The following TFEB variants were observed in gnomAD, a reference collection of about 807,000 sequenced individuals.
TFEB encodes the protein T-cell transcription factor EB.
TFEB carries 12 observed loss-of-function variants against 48.0 expected under a neutral mutation model. The ratio of observed to expected loss-of-function variants is 0.25; its 90% CI spans 0.16 to 0.40. The LOEUF is 0.40. Ranked by LOEUF, TFEB falls within the 10% of genes least tolerant of loss-of-function variation. TFEB has a pLI of 1.00. For synonymous variants in TFEB, 244 were observed against 261.4 expected (o/e 0.93, Z 0.64); for missense variants, 509 against 640.3 (o/e 0.79, Z 2.21).
In TFEB at chr6:41,706,905, A is replaced by T. The variant is rs115026336; in HGVS notation, c.-22-15670T>A. Among the ~76,000 whole-genome samples the T allele has an allele frequency of 4.4e-3, 664 of 152,114 alleles. 8 individuals carry two copies. Among genetic ancestry groups the T allele is most frequent in the Non-Finnish European group, 7.2e-3 (487 of 67,994 alleles). On this transcript the variant is annotated intron_variant, in intron 1 of 8. Transcript: ENST00000373033. ...AGCCCTTTTCCTGTCCTTAAACACC[A>T]TAAGAAGCACTCTGCCTTTACCAGG...
At chr6:41,718,383 A>G (rs1184887860) in intron 1 of TFEB, among the ~76,000 whole-genome samples, 3 of 151,454 alleles carry the variant, frequency 2.0e-5, no homozygotes, top group Non-Finnish European at 2.9e-5. Context: ...TAATTTTTGT[A>G]TTTTTTTGTT....
chr6:41,735,310 C>G, intron 1 of TFEB, 40 bp downstream of exon 1: 7 of 984,796 alleles, frequency 7.1e-6, no homozygotes, highest in Non-Finnish European at 8.4e-6. Context: ...TCGGGGGTCC[C>G]GGGCCCTCCT....
chr6:41,684,973 C>A lies in TFEB; in HGVS notation c.1057G>T (p.Glu353Ter), dbSNP rs369557141. The change falls in exon 9 of 9, where the codon GAA becomes TAA. Residue 353 changes from glutamate (E) to a stop codon, truncating the protein, a stop_gained. Transcript: ENST00000373033. LOFTEE classifies it high-confidence loss of function. ...QQVVKQELPS[E>*]EGPGEALMLG... ...ATCAGGGCCTCCCCTGGGCCCTCTTCGCTAGGCAGCTCCTGCTTCACCACC... is the reference window on the plus strand; with the variant it reads ...ATCAGGGCCTCCCCTGGGCCCTCTTAGCTAGGCAGCTCCTGCTTCACCACC... The A allele has an allele frequency of 1.9e-6, 3 of 1,577,438 alleles. No homozygotes were observed. Among genetic ancestry groups the A allele is most frequent in the East Asian group, 2.3e-5 (1 of 43,026 alleles).
At chr6:41,721,058 G>A (rs1262140780) in intron 1 of TFEB, among the ~76,000 whole-genome samples, 2 of 151,638 alleles carry the variant, frequency 1.3e-5, no homozygotes, top group Admixed American at 6.6e-5. Flanking sequence ...TTCACCCCAG[G>A]CATCACCCCC....
At chr6:41,732,725 A>C (rs932607326) in intron 1 of TFEB, 15 of 985,808 alleles carry the variant, frequency 1.5e-5, no homozygotes, top group Non-Finnish European at 1.8e-5. Context: ...CCCTCCTCTC[A>C]GATGAGGATC....
chr6:41,734,240 G>T lies in TFEB; in HGVS notation c.-23+1110C>A. 1 of 568,472 alleles carries T rather than the reference G, an allele frequency of 1.8e-6. No individual in the cohort carries two copies. Among genetic ancestry groups the T allele is most frequent in the Non-Finnish European group, 2.2e-6 (1 of 449,002 alleles). The allele number at this position is 568,472 out of a possible 1,614,324, so 35.2% of individuals were successfully genotyped here. On this transcript the variant is annotated intron_variant, in intron 1 of 8. Transcript: ENST00000373033. This position sits in a 1 kb window ranked among gnomAD's most constrained non-coding sequence, Gnocchi z 4.0. ...CGCAGCGGCCAGGGGCTGGCGGAGA[G>T]CGGAGGGCGGGGGCCTGGGCCCAGC...
chr6:41,689,398 A>G (rs1216045582), intron 4 of TFEB, among the ~76,000 whole-genome samples: 1 of 152,002 alleles, frequency 6.6e-6, no homozygotes, highest in Admixed American at 6.6e-5. Flanking sequence ...CCATAGACAC[A>G]CTGCCCCTCC....
chr6:41,701,587 T>G (rs1769927190), intron 1 of TFEB, among the ~76,000 whole-genome samples: 1 of 152,146 alleles, frequency 6.6e-6, no homozygotes, highest in African/African-American at 2.4e-5. Context: ...TTCAATCACA[T>G]TCATCCACAC....
Position 41,691,785 on chromosome 6 carries a change from A to G in TFEB, c.-22-550T>C, listed in dbSNP as rs1388973738. Reference sequence around the variant, plus strand: ...ATGGTTCCCACCTTCCTCAGGGGAAAAGCTAAAGTCCTTACCATGACTGGA... The same window carrying G: ...ATGGTTCCCACCTTCCTCAGGGGAAGAGCTAAAGTCCTTACCATGACTGGA... On this transcript the variant is annotated intron_variant, in intron 1 of 8. Coordinates refer to ENST00000373033, the MANE Select transcript of TFEB (RefSeq NM_001271944.2). This position sits in a 1 kb window ranked among gnomAD's most constrained non-coding sequence, Gnocchi z 5.2. 1.3e-5 allele frequency among the ~76,000 whole-genome samples: 2 copies of G among 152,070 alleles called. No homozygotes were observed. Among genetic ancestry groups the G allele is most frequent in the Non-Finnish European group, 2.9e-5 (2 of 67,984 alleles).
At chr6:41,710,417 C>A (rs1255749496) in intron 1 of TFEB, among the ~76,000 whole-genome samples, 2 of 152,082 alleles carry the variant, frequency 1.3e-5, no homozygotes, top group Non-Finnish European at 2.9e-5. Flanking sequence ...GGACAACAGG[C>A]CAGGATGGCC....
intron 1 of TFEB, among the ~76,000 whole-genome samples, chr6:41,695,899 G>A (rs993158452): frequency 2.6e-5 from 4 of 152,216 alleles, no homozygotes; most frequent in Non-Finnish European, 5.9e-5. Flanking sequence ...AAGGTGGGTC[G>A]CCAAGGGGAA....
chr6:41,687,614 G>T, intron 6 of TFEB, 139 bp downstream of exon 6: 1 of 1,048,362 alleles, frequency 9.5e-7, no homozygotes, highest in Non-Finnish European at 1.4e-6. Context: ...ACAGCAATGG[G>T]AGGGCTTAAG....
At chr6:41,701,957 A>AAAAC (rs1554135111) in intron 1 of TFEB, among the ~76,000 whole-genome samples, 1 of 151,810 alleles carries the variant, frequency 6.6e-6, no homozygotes, top group Non-Finnish European at 1.5e-5. Flanking sequence ...AAAAAAAAAA[A>AAAAC]AAAGAAAGAT....
Position 41,724,458 on chromosome 6 carries a change from G to C in TFEB, c.-23+10892C>G, listed in dbSNP as rs562824310. Among the ~76,000 whole-genome samples the C allele has an allele frequency of 6.6e-5, 10 of 152,224 alleles. No individual in the cohort carries two copies. In the East Asian group the frequency reaches 1.6e-3, roughly 24 times the overall value. On this transcript the variant is annotated intron_variant, in intron 1 of 8. Transcript: ENST00000373033. This position sits in a 1 kb window ranked among gnomAD's most constrained non-coding sequence, Gnocchi z 4.4. ...AAGGCAGGAGATGCCAGCAATGTGA[G>C]GGAAGCCCAGAACAGTGAGGCCAGA...
chr6:41,688,083 C>A, intron 4 of TFEB, 55 bp from the exon 5 acceptor site: 1 of 1,570,852 alleles, frequency 6.4e-7, no homozygotes, highest in Non-Finnish European at 8.7e-7. Context: ...CACGGGGAGC[C>A]CCCTCTAGGG....
rs11414992 is a variant in TFEB at position 41,697,503 on chromosome 6, A to ACC, written c.-22-6270_-22-6269dup. ...TTCACCAACACCACCCCTTCTCCAAACCCCCCCCCTTCCCCAAGTGTGTCT... is the reference window on the plus strand; with the variant it reads ...TTCACCAACACCACCCCTTCTCCAAACCCCCCCCCCCTTCCCCAAGTGTGTCT... On this transcript the variant is annotated intron_variant, in intron 1 of 8. Coordinates refer to ENST00000373033, the MANE Select transcript of TFEB (RefSeq NM_001271944.2). 7.7e-3 allele frequency among the ~76,000 whole-genome samples: 996 copies of ACC among 129,328 alleles called. 15 individuals are homozygous for ACC. Among genetic ancestry groups the ACC allele is most frequent in the African/African-American group, 0.015 (477 of 32,396 alleles). 84.8% of individuals were successfully genotyped at this position (129,328 alleles called of 152,430 possible).
intron 1 of TFEB, among the ~76,000 whole-genome samples, chr6:41,708,923 G>A (rs1033949574): frequency 3.3e-5 from 5 of 152,226 alleles, no homozygotes; most frequent in Admixed American, 6.5e-5. Flanking sequence ...GGTTAAGACT[G>A]CCCTCAGAAG....
intron 1 of TFEB, chr6:41,733,515 T>C (rs1581944230): frequency 1.7e-6 from 1 of 575,810 alleles, no homozygotes; most frequent in Non-Finnish European, 2.2e-6. Flanking sequence ...AAGCAGAGCA[T>C]GGAGTCACCC....
intron 1 of TFEB, among the ~76,000 whole-genome samples, chr6:41,715,100 C>T (rs1770677007): frequency 6.6e-6 from 1 of 152,172 alleles, no homozygotes; most frequent in South Asian, 2.1e-4. Context: ...CCCACCTGGC[C>T]TCCAACCAGG....
Sources: gnomAD v4.1 joint callset for allele counts (sites outside exome capture counted in the v4.1 genomes callset) on GRCh38, gnomAD v4.1.1 for gene constraint, Gnocchi (gnomAD v3.1) non-coding constraint, MANE v1.5 for transcripts, NCBI Gene and HGNC (gene_info 2026-07-23, HGNC 2026-07-21) for gene names.